PRKCZ: variants seen among roughly 807,000 people sequenced by gnomAD.
PRKCZ encodes the protein protein kinase C zeta.
In PRKCZ, 33 loss-of-function variants were observed where a neutral mutation model predicts 79.5. The observed-to-expected ratio is 0.41, with a 90% CI of 0.31 to 0.55. The LOEUF is 0.55. Ranked by LOEUF, PRKCZ falls within the 20% of genes least tolerant of loss-of-function variation. The pLI is 0.19. For synonymous variants in PRKCZ, 342 were observed against 320.9 expected, an observed-to-expected ratio of 1.07 and a Z score of -0.70; for missense variants, 578 against 813.5, an observed-to-expected ratio of 0.71 and a Z score of 3.52.
intron 11 of PRKCZ, 62 bp from the exon 12 acceptor site, chr1:2,171,993 T>C: frequency 6.5e-7 from 1 of 1,533,028 alleles, no homozygotes. Flanking sequence ...GCCCCCAGGC[T>C]GGAGCTGTTG....
At chr1:2,084,223 G>C (rs191970545) in intron 4 of PRKCZ, among the ~76,000 whole-genome samples, 5 of 152,282 alleles carry the variant, frequency 3.3e-5, no homozygotes, top group African/African-American at 1.2e-4. Context: ...CTGGGCGAGA[G>C]AGCGAAACTC....
chr1:2,153,713 G>A (rs1395531178), intron 9 of PRKCZ, among the ~76,000 whole-genome samples: 1 of 152,256 alleles, frequency 6.6e-6, no homozygotes, highest in Non-Finnish European at 1.5e-5. Context: ...ATGAGAGCAG[G>A]TTTGCGGGAC....
Position 2,082,383 on chromosome 1 carries a change from G to A in PRKCZ, c.334+22792G>A, listed in dbSNP as rs1364635100. 1 of 456,346 alleles carries A rather than the reference G, an allele frequency of 2.2e-6. No homozygotes were observed. 28.3% of individuals were successfully genotyped at this position (456,346 alleles called of 1,614,324 possible). A position where few individuals can be genotyped will look rare whatever the true frequency, so the allele number is the denominator to read the frequency against. On this transcript the variant is annotated intron_variant, in intron 4 of 17. Transcript: ENST00000378567. This position sits in a 1 kb window ranked among gnomAD's most constrained non-coding sequence, Gnocchi z 4.4. ...ACCCGGCTGCCGTAGACAGAGTGAA[G>A]TCTGGTAGTTTGTGTTTATTTATTT...
rs182814375 is a variant in PRKCZ at position 2,131,616 on chromosome 1, C to T, written c.335-3646C>T. On this transcript the variant is annotated intron_variant, in intron 4 of 17. Transcript: ENST00000378567. ...TGACACATGCTAGGAGCGCAGGACT[C>T]GGCAATATAAAGCGTGGTAATCGAT... Among the ~76,000 whole-genome samples the T allele has an allele frequency of 1.9e-3, 282 of 152,278 alleles. 9 individuals are homozygous for T. The highest frequency in any genetic ancestry group is 0.017 in the Admixed American group (265 of 15,304).
chr1:2,092,586 G>A (rs182663036), intron 4 of PRKCZ, among the ~76,000 whole-genome samples: 63 of 152,244 alleles, frequency 4.1e-4, no homozygotes, highest in African/African-American at 7.0e-4. Flanking sequence ...TTGAAGCTCC[G>A]TGGGTTTGTT....
rs992589670 is a variant in PRKCZ, at chr1:2,078,693, C to T, written c.334+19102C>T. On this transcript the variant is annotated intron_variant, in intron 4 of 17. Transcript: ENST00000378567. ...TATTTGTTGGCCCTCCCAGGCTGGT[C>T]CTTTAATTTTCTTCTCTATTTTCCA... 3.7e-4 allele frequency among the ~76,000 whole-genome samples: 57 copies of T among 152,070 alleles called. 1 individual carries two copies. Among genetic ancestry groups the T allele is most frequent in the African/African-American group, 1.4e-3 (57 of 41,390 alleles).
rs760752214 is a variant in PRKCZ at position 2,146,127 on chromosome 1, C to T, written c.634+19C>T. ...GATGGAAGTAGGCGCTGCTTTCTTC[C>T]GGCCGGGTAGAGCCTGGGCATCACC... On this transcript the variant is annotated intron_variant, in intron 7 of 17. Coordinates refer to ENST00000378567, the MANE Select transcript of PRKCZ (RefSeq NM_002744.6). 1.8e-5 allele frequency: 29 copies of T among 1,606,210 alleles called. No homozygotes were observed. The highest frequency in any genetic ancestry group is 7.7e-5 in the South Asian group (7 of 90,946).
chr1:2,106,342 T>C (rs1035649864), intron 4 of PRKCZ, among the ~76,000 whole-genome samples: 1 of 152,240 alleles, frequency 6.6e-6, no homozygotes, highest in African/African-American at 2.4e-5. Context: ...TGAGGCCTCG[T>C]GCACACCCTG....
At chr1:2,052,877 C>A (rs1659813294) in intron 1 of PRKCZ, among the ~76,000 whole-genome samples, 1 of 152,186 alleles carries the variant, frequency 6.6e-6, no homozygotes, top group Admixed American at 6.5e-5. Context: ...ACTTCAGTCA[C>A]CCCCATGGGG....
At chr1:2,145,844 A>G (rs1293357997) in intron 6 of PRKCZ, among the ~76,000 whole-genome samples, 183 bp from the exon 7 acceptor site, 2 of 152,214 alleles carry the variant, frequency 1.3e-5, no homozygotes, top group African/African-American at 4.8e-5. Flanking sequence ...CGAGCTCAGG[A>G]GGTTGAAGCT....
At chr1:2,121,520 GGTCATGGCAGTA>G (rs1418316619) in intron 4 of PRKCZ, among the ~76,000 whole-genome samples, 2,945 of 58,230 alleles carry the variant, frequency 0.051, 363 homozygotes, top group Admixed American at 0.077. Flanking sequence ...TGGTACTTAA[GGTCATGGCAGTA>G]GTTAGGGTTA....
At chr1:2,057,574 T>G (rs1288992005) in intron 3 of PRKCZ, among the ~76,000 whole-genome samples, 1 of 152,158 alleles carries the variant, frequency 6.6e-6, no homozygotes, top group Non-Finnish European at 1.5e-5. Context: ...GGCTCTAAAT[T>G]TAAAGACTAG....
At chr1:2,124,452 C>G (rs550072523) in intron 4 of PRKCZ, among the ~76,000 whole-genome samples, 5 of 151,616 alleles carry the variant, frequency 3.3e-5, no homozygotes, top group Non-Finnish European at 5.9e-5. Flanking sequence ...GGGATTTGTG[C>G]CCTTTATAGG....
intron 1 of PRKCZ, among the ~76,000 whole-genome samples, chr1:2,052,473 T>C (rs1659768026): frequency 7.0e-6 from 1 of 142,824 alleles, no homozygotes; most frequent in Non-Finnish European, 1.5e-5. Flanking sequence ...CTCTTCCCGC[T>C]CTCCCCTCTC....
chr1:2,162,685 C>T lies in PRKCZ; in HGVS notation c.974+6593C>T, dbSNP rs1024246555. Among the ~76,000 whole-genome samples, 2 of 152,142 alleles carry T rather than the reference C, an allele frequency of 1.3e-5. 1 individual carries two copies. Among genetic ancestry groups the T allele is most frequent in the South Asian group, 4.1e-4 (2 of 4,828 alleles). ...CTGGTCTCAAACTCCTGGGCTCAAA[C>T]GATTCTCCCACCTCAGCTTCCCAGA... On this transcript the variant is annotated intron_variant, in intron 10 of 17. Coordinates refer to ENST00000378567, the MANE Select transcript of PRKCZ (RefSeq NM_002744.6).
rs764270057 is a variant in PRKCZ at position 2,127,465 on chromosome 1, C to T, written c.335-7797C>T. Reference sequence around the variant, plus strand: ...GACGCCCCTCCCTGTGCCTTCTCACCCTCTGGTCCTGGCTGGGCCCGTCCC... The same window carrying T: ...GACGCCCCTCCCTGTGCCTTCTCACTCTCTGGTCCTGGCTGGGCCCGTCCC... On this transcript the variant is annotated intron_variant, in intron 4 of 17. Coordinates refer to ENST00000378567, the MANE Select transcript of PRKCZ (RefSeq NM_002744.6). The surrounding 1 kb of genome is among the most constrained non-coding windows in gnomAD (Gnocchi z 5.1). Among the ~76,000 whole-genome samples, 67 of 152,164 alleles carry T rather than the reference C, an allele frequency of 4.4e-4. No homozygotes were observed. Among genetic ancestry groups the T allele is most frequent in the East Asian group, 1.4e-3 (7 of 5,174 alleles).
intron 4 of PRKCZ, among the ~76,000 whole-genome samples, chr1:2,085,858 T>C (rs2803310): frequency 0.4 from 61,421 of 151,792 alleles, 13,755 homozygotes; most frequent in East Asian, 0.83. Flanking sequence ...AGGTCTGCAC[T>C]CATGGGTGGG....
intron 4 of PRKCZ, among the ~76,000 whole-genome samples, chr1:2,061,135 G>A (rs1010520514): frequency 6.6e-6 from 1 of 152,182 alleles, no homozygotes; most frequent in Admixed American, 6.5e-5. Flanking sequence ...TTTTTGACTT[G>A]GTGACAGGAC....
At chr1:2,179,450 G>C (rs1398761985) in intron 16 of PRKCZ, among the ~76,000 whole-genome samples, 1 of 152,216 alleles carries the variant, frequency 6.6e-6, no homozygotes, top group African/African-American at 2.4e-5. Context: ...TGGATCACGT[G>C]ATCTGTGCTA....
Sources: allele counts gnomAD v4.1 joint callset (sites outside exome capture counted in the v4.1 genomes callset), GRCh38; gene constraint gnomAD v4.1.1; non-coding constraint Gnocchi (gnomAD v3.1); transcripts MANE v1.5; gene names NCBI Gene and HGNC (gene_info 2026-07-23, HGNC 2026-07-21).